POU6F2: variants seen among roughly 807,000 people sequenced by gnomAD.
POU6F2 encodes the protein POU class 6 homeobox 2.
In POU6F2, 31 loss-of-function variants were observed where a neutral mutation model predicts 71.3. The ratio of observed to expected loss-of-function variants is 0.43; its 90% confidence interval spans 0.33 to 0.59. The LOEUF (loss-of-function observed/expected upper bound fraction) is 0.59, where lower values mean the gene tolerates loss of function less well. Ranked by LOEUF, POU6F2 falls within the 20% of genes least tolerant of loss-of-function variation. The pLI is 0.04. For missense variants in POU6F2, 783 were observed against 856.8 expected (o/e 0.91, Z 1.07); for synonymous variants, 347 against 355.7 (o/e 0.98, Z 0.27).
At chr7:39,351,761 C>G (rs1414896209) in intron 5 of POU6F2, among the ~76,000 whole-genome samples, 1 of 152,176 alleles carries the variant, frequency 6.6e-6, no homozygotes, top group Non-Finnish European at 1.5e-5. Context: ...AATGGACCCA[C>G]CACCCTCCTG....
intron 4 of POU6F2, among the ~76,000 whole-genome samples, chr7:39,250,763 A>G (rs1279217548): frequency 2.0e-5 from 3 of 152,210 alleles, no homozygotes. Flanking sequence ...TTATGATATG[A>G]AGGATTCTCA....
At chr7:39,116,751 C>T (rs562163869) in intron 2 of POU6F2, among the ~76,000 whole-genome samples, 11 of 152,134 alleles carry the variant, frequency 7.2e-5, no homozygotes, top group Admixed American at 5.9e-4. Context: ...CCCCTCCCTC[C>T]AGTGTTAGAT....
intron 4 of POU6F2, among the ~76,000 whole-genome samples, chr7:39,291,344 ATGT>A (rs1467359315): frequency 6.6e-6 from 1 of 152,196 alleles, no homozygotes; most frequent in African/African-American, 2.4e-5. Context: ...GTTTTGCATT[ATGT>A]TGTTGTGACC....
At chr7:39,244,988 C>A (rs947499366) in intron 4 of POU6F2, among the ~76,000 whole-genome samples, 1 of 152,190 alleles carries the variant, frequency 6.6e-6, no homozygotes, top group Non-Finnish European at 1.5e-5. Flanking sequence ...CTCTGAACTT[C>A]ACAGCAGCCC....
intron 4 of POU6F2, among the ~76,000 whole-genome samples, chr7:39,285,855 C>T (rs1009129818): frequency 1.3e-5 from 2 of 152,220 alleles, no homozygotes; most frequent in Non-Finnish European, 2.9e-5. Flanking sequence ...CCTTCCTCCC[C>T]ATCCTCATAT....
chr7:39,140,982 G>A (rs545040743), intron 2 of POU6F2, among the ~76,000 whole-genome samples: 10 of 152,192 alleles, frequency 6.6e-5, no homozygotes, highest in African/African-American at 2.4e-4. Flanking sequence ...GAAGCCTTGT[G>A]CTCCCTTTTG....
intron 2 of POU6F2, among the ~76,000 whole-genome samples, chr7:39,105,816 T>C (rs547262753): frequency 2.9e-4 from 44 of 152,346 alleles, no homozygotes; most frequent in Admixed American, 9.1e-4. Flanking sequence ...AATTCTAGCC[T>C]GGAATCTTGT....
At chr7:39,256,342 G>C (rs1305575769) in intron 4 of POU6F2, among the ~76,000 whole-genome samples, 2 of 152,042 alleles carry the variant, frequency 1.3e-5, no homozygotes, top group East Asian at 1.9e-4. Flanking sequence ...GGAAGACCGG[G>C]GTATCAAAAT....
intron 2 of POU6F2, among the ~76,000 whole-genome samples, chr7:39,171,998 A>G (rs185733046): frequency 2.3e-4 from 35 of 152,292 alleles, no homozygotes; most frequent in African/African-American, 8.4e-4. Context: ...TGCAAAATGA[A>G]AAGTGGTTCA....
At chr7:39,134,721 G>T (rs902751126) in intron 2 of POU6F2, among the ~76,000 whole-genome samples, 1 of 152,082 alleles carries the variant, frequency 6.6e-6, no homozygotes, top group Admixed American at 6.6e-5. Flanking sequence ...TTAGACCCAC[G>T]TACCCCAACT....
At chr7:39,012,528 A>T (rs1011181198) in intron 1 of POU6F2, among the ~76,000 whole-genome samples, 16 of 151,784 alleles carry the variant, frequency 1.1e-4, no homozygotes, top group South Asian at 2.1e-4. Flanking sequence ...TCAGCTCATC[A>T]AAGTCATTCT....
At chr7:38,979,654 T>C (rs1286454753) in intron 1 of POU6F2, among the ~76,000 whole-genome samples, 1 of 152,168 alleles carries the variant, frequency 6.6e-6, no homozygotes, top group Non-Finnish European at 1.5e-5. Context: ...AATTGTGGTG[T>C]AGGGAATGAA....
At chr7:39,185,808 T>G (rs538598348) in intron 2 of POU6F2, among the ~76,000 whole-genome samples, 2 of 21,098 alleles carry the variant, frequency 9.5e-5, no homozygotes, top group East Asian at 8.4e-3. Flanking sequence ...CATATATATA[T>G]GTATATGTAT....
intron 4 of POU6F2, among the ~76,000 whole-genome samples, chr7:39,308,020 A>T (rs1457528140): frequency 1.3e-5 from 2 of 152,146 alleles, no homozygotes; most frequent in Non-Finnish European, 2.9e-5. Flanking sequence ...GGCTTTGCAT[A>T]TATCAACTGT....
chr7:39,152,071 C>T (rs969179497), intron 2 of POU6F2, among the ~76,000 whole-genome samples: 1 of 152,152 alleles, frequency 6.6e-6, no homozygotes, highest in Non-Finnish European at 1.5e-5. Flanking sequence ...TGCTTGTATA[C>T]TCATGCAGTG....
chr7:39,401,106 A>T (rs929775491), intron 5 of POU6F2, among the ~76,000 whole-genome samples: 1 of 152,086 alleles, frequency 6.6e-6, no homozygotes. Flanking sequence ...CCCAGTGCAC[A>T]TTCTTCCCAG....
intron 1 of POU6F2, among the ~76,000 whole-genome samples, chr7:38,983,702 G>A (rs2116597200): frequency 6.6e-6 from 1 of 152,006 alleles, no homozygotes; most frequent in East Asian, 1.9e-4. Flanking sequence ...AATTTTTACT[G>A]GAAAAATTCC....
At chr7:39,197,647 G>A (rs1793815483) in intron 2 of POU6F2, among the ~76,000 whole-genome samples, 1 of 152,234 alleles carries the variant, frequency 6.6e-6, no homozygotes, top group South Asian at 2.1e-4. Context: ...CCTTGTCAGA[G>A]CAAGTGTGCA....
intron 4 of POU6F2, among the ~76,000 whole-genome samples, chr7:39,264,408 A>G (rs978985106): frequency 6.6e-6 from 1 of 152,224 alleles, no homozygotes; most frequent in Non-Finnish European, 1.5e-5. Context: ...AATCCCTGTT[A>G]TAATGAAGAT....
Sources: gnomAD v4.1 joint callset for allele counts (sites outside exome capture counted in the v4.1 genomes callset) on GRCh38, gnomAD v4.1.1 for gene constraint, MANE v1.5 for transcripts, NCBI Gene and HGNC (gene_info 2026-07-23, HGNC 2026-07-21) for gene names.